Variants in XNDC1N observed in about 807,000 individuals in gnomAD.
XNDC1N encodes protein XNDC1N.
chr11:71,890,695 G>A, the XNDC1N span, among the ~76,000 whole-genome samples: 1 of 151,948 alleles, frequency 6.6e-6, no homozygotes, highest in Non-Finnish European at 1.5e-5. Context: ...CAACCCCTGC[G>A]ATATTTGGAG....
At chr11:71,872,985 TA>T in the XNDC1N span, among the ~76,000 whole-genome samples, 2 of 152,170 alleles carry the variant, frequency 1.3e-5, no homozygotes, top group Admixed American at 6.5e-5. Flanking sequence ...TTCCCTGTAT[TA>T]TTTTTTTTCT....
the XNDC1N span, among the ~76,000 whole-genome samples, chr11:71,913,828 AT>A: frequency 6.6e-6 from 1 of 152,150 alleles, no homozygotes. Flanking sequence ...CTCATTTACT[AT>A]TTAAAAAATC....
chr11:71,874,799 C>T, the XNDC1N span, among the ~76,000 whole-genome samples: 7 of 152,244 alleles, frequency 4.6e-5, no homozygotes, highest in Admixed American at 1.3e-4. Context: ...TTACTCATTT[C>T]GTTTGACCTT....
the XNDC1N span, chr11:71,884,572 T>C: frequency 6.3e-7 from 1 of 1,592,068 alleles, no homozygotes; most frequent in Non-Finnish European, 8.6e-7. Context: ...AAATTCTAAC[T>C]CCATCTTCTT....
the XNDC1N span, among the ~76,000 whole-genome samples, chr11:71,898,783 C>T: frequency 1.1e-4 from 17 of 152,118 alleles, no homozygotes; most frequent in South Asian, 6.2e-4. Flanking sequence ...GTTCTGGAGA[C>T]GATGACGGTG....
the XNDC1N span, among the ~76,000 whole-genome samples, chr11:71,925,455 G>T: frequency 6.6e-6 from 1 of 152,030 alleles, no homozygotes; most frequent in South Asian, 2.1e-4. Flanking sequence ...AGTCCTCACA[G>T]GCCACAGCCA....
At chr11:71,865,707 C>G in the XNDC1N span, 1 of 303,254 alleles carries the variant, frequency 3.3e-6, no homozygotes, top group Non-Finnish European at 6.4e-6. Flanking sequence ...CAGGGACAGA[C>G]AATAAAATAT....
chr11:71,923,427 C>T, the XNDC1N span: 7 of 698,270 alleles, frequency 1.0e-5, no homozygotes, highest in African/African-American at 3.5e-5. Flanking sequence ...ACTACTTTGG[C>T]ACTGACTATG....
chr11:71,876,870 C>T, the XNDC1N span, among the ~76,000 whole-genome samples: 1 of 152,208 alleles, frequency 6.6e-6, no homozygotes, highest in African/African-American at 2.4e-5. Context: ...GCCATTCTGG[C>T]TTCAGTAAAT....
At chr11:71,913,618 C>T in the XNDC1N span, among the ~76,000 whole-genome samples, 2 of 146,420 alleles carry the variant, frequency 1.4e-5, no homozygotes, top group South Asian at 2.1e-4. Flanking sequence ...AAGATCGTGC[C>T]ACTGCACTCC....
At chr11:71,889,577 T>C in the XNDC1N span, among the ~76,000 whole-genome samples, 1 of 152,202 alleles carries the variant, frequency 6.6e-6, no homozygotes, top group East Asian at 1.9e-4. Context: ...GCTGCAGTTG[T>C]ACTGGCTGTG....
the XNDC1N span, among the ~76,000 whole-genome samples, chr11:71,868,102 G>A: frequency 6.6e-6 from 1 of 152,076 alleles, no homozygotes; most frequent in Non-Finnish European, 1.5e-5. Flanking sequence ...AAATTAGAAT[G>A]GCAACCCCTG....
At chr11:71,918,894 T>C in the XNDC1N span, 1 of 702,708 alleles carries the variant, frequency 1.4e-6, no homozygotes, top group South Asian at 1.5e-5. Context: ...CCCACATCAA[T>C]GTAGCCAGTG....
At chr11:71,894,707 A>C in the XNDC1N span, among the ~76,000 whole-genome samples, 1 of 152,218 alleles carries the variant, frequency 6.6e-6, no homozygotes, top group African/African-American at 2.4e-5. Flanking sequence ...ATATACACGA[A>C]GTCCTCACTT....
chr11:71,916,171 G>A, the XNDC1N span: 9 of 702,832 alleles, frequency 1.3e-5, no homozygotes, highest in Admixed American at 1.8e-4. Flanking sequence ...CAGGCCAAAG[G>A]ACTGATGACG....
the XNDC1N span, among the ~76,000 whole-genome samples, chr11:71,885,944 A>T: frequency 6.6e-6 from 1 of 151,978 alleles, no homozygotes; most frequent in Admixed American, 6.6e-5. Context: ...ATTGATTTTT[A>T]AAAATATTAT....
At chr11:71,872,390 G>T in the XNDC1N span, among the ~76,000 whole-genome samples, 2 of 152,120 alleles carry the variant, frequency 1.3e-5, no homozygotes, top group Non-Finnish European at 2.9e-5. Flanking sequence ...TTTCTATATT[G>T]TGCTTATTCT....
the XNDC1N span, among the ~76,000 whole-genome samples, chr11:71,868,089 C>T: frequency 2.6e-5 from 4 of 152,058 alleles, no homozygotes; most frequent in African/African-American, 9.7e-5. Context: ...TCTGTTTTGT[C>T]AGAAATTAGA....
At chr11:71,893,253 G>A in the XNDC1N span, among the ~76,000 whole-genome samples, 2 of 152,180 alleles carry the variant, frequency 1.3e-5, no homozygotes, top group Non-Finnish European at 2.9e-5. Flanking sequence ...TTTCTCTAAA[G>A]TAGTATGAAC....
Sources: allele counts gnomAD v4.1 joint callset (sites outside exome capture counted in the v4.1 genomes callset), GRCh38; gene constraint gnomAD v4.1.1; transcripts MANE v1.5; gene names NCBI Gene and HGNC (gene_info 2026-07-23, HGNC 2026-07-21).